DDX10: variants seen among roughly 807,000 people sequenced by gnomAD.
The protein encoded by DDX10 is probable ATP-dependent RNA helicase DDX10.
Under a neutral mutation model 104.3 loss-of-function variants are expected in DDX10, and 74 were observed. That is an observed-to-expected ratio of 0.71 (90% confidence interval 0.59 to 0.86). DDX10 has a LOEUF of 0.86. DDX10 is among the 40% of genes least tolerant of loss of function. The pLI, the probability that DDX10 is intolerant of heterozygous loss-of-function variation, is 0.00. For synonymous variants in DDX10, 351 were observed against 353.4 expected, an observed-to-expected ratio of 0.99 and a Z score of 0.08; for missense variants, 952 against 1,040.0, an observed-to-expected ratio of 0.92 and a Z score of 1.16.
Position 108,838,576 on chromosome 11 carries a change from A to G in DDX10, c.2085+11A>G, listed in dbSNP as rs766316028. On this transcript the variant is annotated intron_variant, in intron 14 of 17. Transcript: ENST00000322536. ...ACTGATGAAGGGGAGGTAAGATTCT[A>G]GAAGTGTTTCATTTCTGAGGTGCAT... The G allele has an allele frequency of 2.1e-5, 33 of 1,602,604 alleles. No individual in the cohort carries two copies. Among genetic ancestry groups the G allele is most frequent in the Non-Finnish European group, 2.8e-5 (33 of 1,174,962 alleles).
At chr11:108,844,082 A>T (rs2134598446) in intron 15 of DDX10, among the ~76,000 whole-genome samples, 1 of 152,330 alleles carries the variant, frequency 6.6e-6, no homozygotes, top group Non-Finnish European at 1.5e-5. Flanking sequence ...GGGCTGACGA[A>T]GTTGTGAGAG....
In DDX10 at chr11:108,940,273, G is replaced by A. The variant is rs1864090241; in HGVS notation, c.2478G>A (p.Lys826=). 6.2e-7 allele frequency: 1 copy of A among 1,613,862 alleles called. No homozygotes were observed. The highest frequency in any genetic ancestry group is 8.5e-7 in the Non-Finnish European group (1 of 1,179,996). Residue 826 remains lysine, a synonymous_variant, in exon 18 of 18, where the codon AAG becomes AAA. Transcript: ENST00000322536. ...ISDTKKKQGM[K]KRSNSEVEDV... is the part of the protein sequence containing the mutation. ...ATACCAAGAAGAAGCAGGGGATGAA[G>A]AAGAGGAGCAACAGTGAAGTGGAAG... is the stretch of plus-strand genomic sequence containing the variant.
At chr11:108,850,828 C>T (rs796073384) in intron 15 of DDX10, among the ~76,000 whole-genome samples, 7 of 152,202 alleles carry the variant, frequency 4.6e-5, no homozygotes, top group African/African-American at 1.7e-4. Context: ...CAGTTTAGTC[C>T]CAAGTCCATC....
intron 16 of DDX10, among the ~76,000 whole-genome samples, chr11:108,886,102 GT>G (rs1287116880): frequency 6.6e-6 from 1 of 152,140 alleles, no homozygotes; most frequent in Non-Finnish European, 1.5e-5. Context: ...ATAATACCAG[GT>G]TTTTGGCATT....
intron 13 of DDX10, among the ~76,000 whole-genome samples, chr11:108,750,330 A>G (rs370074234): frequency 1.3e-5 from 2 of 152,346 alleles, no homozygotes; most frequent in South Asian, 2.1e-4. Flanking sequence ...ACTGAAAGAC[A>G]GTTATATAGT....
At chr11:108,845,167 C>T (rs1162357585) in intron 15 of DDX10, among the ~76,000 whole-genome samples, 1 of 152,152 alleles carries the variant, frequency 6.6e-6, no homozygotes, top group African/African-American at 2.4e-5. Context: ...GAGATCGCGC[C>T]ACTGTACTCC....
At chr11:108,718,230 G>A (rs2094293966) in intron 11 of DDX10, among the ~76,000 whole-genome samples, 2 of 152,032 alleles carry the variant, frequency 1.3e-5, no homozygotes, top group Admixed American at 1.3e-4. Context: ...TGAACTCCAG[G>A]TCTAGCTTTC....
chr11:108,676,329 C>T (rs557124594), intron 3 of DDX10, among the ~76,000 whole-genome samples: 1 of 152,202 alleles, frequency 6.6e-6, no homozygotes, highest in South Asian at 2.1e-4. Flanking sequence ...ATTGCAAAAA[C>T]CACTTTTCTC....
intron 10 of DDX10, among the ~76,000 whole-genome samples, chr11:108,708,234 T>G (rs2094279196): frequency 6.7e-6 from 1 of 149,438 alleles, no homozygotes; most frequent in African/African-American, 2.5e-5. Flanking sequence ...AAAAAGATCA[T>G]GAGTGGATAT....
intron 13 of DDX10, among the ~76,000 whole-genome samples, chr11:108,796,724 T>C (rs1470480736): frequency 6.6e-6 from 1 of 152,174 alleles, no homozygotes; most frequent in Non-Finnish European, 1.5e-5. Context: ...TCCAAAGTTA[T>C]TGTGTTGGAA....
At chr11:108,845,348 G>T (rs1425127399) in intron 15 of DDX10, among the ~76,000 whole-genome samples, 1 of 152,094 alleles carries the variant, frequency 6.6e-6, no homozygotes, top group Non-Finnish European at 1.5e-5. Context: ...TGCTTTACTT[G>T]AACACATTGT....
chr11:108,699,105 G>A lies in DDX10; in HGVS notation c.1223+5505G>A, dbSNP rs187161699. On this transcript the variant is annotated intron_variant, in intron 9 of 17. Coordinates refer to ENST00000322536, the MANE Select transcript of DDX10 (RefSeq NM_004398.4). ...CACCTTGATTGTAAGTTCCATAAAG[G>A]CAGCAATGTTTGTCTAGTATATTGA... 3.3e-5 allele frequency among the ~76,000 whole-genome samples: 5 copies of A among 152,236 alleles called. No individual in the cohort carries two copies. The East Asian group carries it at 9.7e-4, about 29-fold the overall frequency.
At chr11:108,936,173 T>C (rs1455961644) in intron 17 of DDX10, among the ~76,000 whole-genome samples, 2 of 152,240 alleles carry the variant, frequency 1.3e-5, no homozygotes, top group East Asian at 3.8e-4. Context: ...ACAGAGATTA[T>C]GTAGCATACC....
intron 16 of DDX10, among the ~76,000 whole-genome samples, chr11:108,890,924 G>C (rs1863367678): frequency 6.6e-6 from 1 of 152,128 alleles, no homozygotes; most frequent in African/African-American, 2.4e-5. Flanking sequence ...CTGATTTTCT[G>C]CTTCCCCTCC....
At chr11:108,860,029 C>A (rs943858046) in intron 16 of DDX10, among the ~76,000 whole-genome samples, 1 of 152,026 alleles carries the variant, frequency 6.6e-6, no homozygotes, top group African/African-American at 2.4e-5. Context: ...CTTTCTTCTT[C>A]TTCTTGTTTT....
At chr11:108,888,397 C>T (rs969011197) in intron 16 of DDX10, among the ~76,000 whole-genome samples, 2 of 152,076 alleles carry the variant, frequency 1.3e-5, no homozygotes, top group South Asian at 2.1e-4. Flanking sequence ...GCCAAAGAGT[C>T]CCCTAAACTT....
At chr11:108,684,064 A>T (rs2094239252) in intron 6 of DDX10, among the ~76,000 whole-genome samples, 1 of 139,684 alleles carries the variant, frequency 7.2e-6, no homozygotes, top group Non-Finnish European at 1.5e-5. Flanking sequence ...TATTATCTTG[A>T]TTCTTCAGAT....
chr11:108,735,044 T>C (rs1344881177), intron 13 of DDX10, among the ~76,000 whole-genome samples: 1 of 152,186 alleles, frequency 6.6e-6, no homozygotes, highest in Non-Finnish European at 1.5e-5. Context: ...TCACATTTCT[T>C]TTCAACACTT....
chr11:108,879,919 T>A (rs1863204744), intron 16 of DDX10, among the ~76,000 whole-genome samples: 2 of 152,206 alleles, frequency 1.3e-5, no homozygotes, highest in Non-Finnish European at 2.9e-5. Flanking sequence ...TACTGCATAT[T>A]TTTTCAGCTT....
Sources: allele counts gnomAD v4.1 joint callset (sites outside exome capture counted in the v4.1 genomes callset), GRCh38; gene constraint gnomAD v4.1.1; transcripts MANE v1.5; gene names NCBI Gene and HGNC (gene_info 2026-07-23, HGNC 2026-07-21).